The following ZC3H12B variants were observed in gnomAD, a reference collection of about 807,000 sequenced individuals.
The protein encoded by ZC3H12B is zinc finger CCCH-type containing 12B.
ZC3H12B carries 7 observed loss-of-function variants against 43.9 expected under a neutral mutation model. The observed-to-expected ratio is 0.16, with a 90% CI of 0.09 to 0.30. The LOEUF (loss-of-function observed/expected upper bound fraction) is 0.30, where lower values mean the gene tolerates loss of function less well. Among genes scored for constraint, ZC3H12B ranks in the 10% least tolerant of loss-of-function variants. The pLI, the probability that ZC3H12B is intolerant of heterozygous loss-of-function variation, is 1.00. For synonymous variants in ZC3H12B, 222 were observed against 241.7 expected, an observed-to-expected ratio of 0.92 and a Z score of 0.76; for missense variants, 475 against 670.2, an observed-to-expected ratio of 0.71 and a Z score of 3.22.
At chrX:65,305,837 C>G in the ZC3H12B span, among the ~76,000 whole-genome samples, 1 of 111,414 alleles carries the variant, frequency 9.0e-6, no homozygotes, top group Non-Finnish European at 1.9e-5. Context: ...AACACTATAA[C>G]TACATGAGTC....
the ZC3H12B span, among the ~76,000 whole-genome samples, chrX:65,228,444 A>C: frequency 9.0e-6 from 1 of 111,325 alleles, no homozygotes; most frequent in Non-Finnish European, 1.9e-5. Context: ...ATGGACAAAA[A>C]CTGGAAGCAT....
chrX:65,214,833 G>T, the ZC3H12B span, among the ~76,000 whole-genome samples: 2 of 111,365 alleles, frequency 1.8e-5, no homozygotes, highest in Non-Finnish European at 3.8e-5. Context: ...AGCTATAGCT[G>T]TGCAAAATAT....
chrX:65,399,097 C>A (rs1232879591), intron 3 of ZC3H12B, among the ~76,000 whole-genome samples: 1 of 112,442 alleles, frequency 8.9e-6, no homozygotes, highest in African/African-American at 3.2e-5. Context: ...TGGAGAAATT[C>A]ATCAGGACAT....
the ZC3H12B span, among the ~76,000 whole-genome samples, chrX:65,081,377 G>A: frequency 9.0e-6 from 1 of 111,070 alleles, no homozygotes. Context: ...TTGATCGGTT[G>A]CTTACATGAA....
chrX:65,472,194 G>A (rs1478873181), intron 3 of ZC3H12B, among the ~76,000 whole-genome samples: 1 of 111,809 alleles, frequency 8.9e-6, no homozygotes, highest in Non-Finnish European at 1.9e-5. Flanking sequence ...ATCTGGAGAA[G>A]TGTCTATTTA....
chrX:65,328,534 A>G, the ZC3H12B span: 2 of 200,544 alleles, frequency 1.0e-5, no homozygotes, highest in Non-Finnish European at 1.9e-5. Context: ...TTTTTTTTAT[A>G]TGTATCACAT....
chrX:65,433,130 C>T (rs1323018068), intron 3 of ZC3H12B, among the ~76,000 whole-genome samples: 12 of 112,727 alleles, frequency 1.1e-4, no homozygotes, highest in African/African-American at 3.9e-4. Context: ...TGTTCATTTG[C>T]TGTAGCAATA....
chrX:65,225,955 G>C, the ZC3H12B span, among the ~76,000 whole-genome samples: 2 of 111,937 alleles, frequency 1.8e-5, no homozygotes, highest in Admixed American at 9.5e-5. Flanking sequence ...CACTCTGCAG[G>C]ATATTATCCA....
chrX:65,215,878 A>G, the ZC3H12B span, among the ~76,000 whole-genome samples: 7 of 111,532 alleles, frequency 6.3e-5, no homozygotes, highest in Admixed American at 6.7e-4. Flanking sequence ...AGGGTTATCA[A>G]TTATGTTAAT....
chrX:65,252,907 G>C, the ZC3H12B span, among the ~76,000 whole-genome samples: 32 of 111,904 alleles, frequency 2.9e-4, no homozygotes, highest in East Asian at 8.1e-3. Context: ...TCTTCCATTA[G>C]ACCTTATTTG....
At chrX:65,174,180 C>T in the ZC3H12B span, among the ~76,000 whole-genome samples, 1 of 111,420 alleles carries the variant, frequency 9.0e-6, no homozygotes, top group Non-Finnish European at 1.9e-5. Flanking sequence ...GTCTGTTGAC[C>T]CCTGCTGGGA....
At chrX:65,426,555 G>T in intron 3 of ZC3H12B, among the ~76,000 whole-genome samples, 1 of 110,377 alleles carries the variant, frequency 9.1e-6, no homozygotes, top group Non-Finnish European at 1.9e-5. Context: ...TCTTTTAATT[G>T]AGATGTTAGG....
the ZC3H12B span, among the ~76,000 whole-genome samples, chrX:65,204,526 T>A: frequency 8.9e-6 from 1 of 112,198 alleles, no homozygotes. Flanking sequence ...TCATTCTTCC[T>A]AGACTTTAGC....
At chrX:65,253,672 C>T in the ZC3H12B span, among the ~76,000 whole-genome samples, 4 of 111,971 alleles carry the variant, frequency 3.6e-5, no homozygotes, top group East Asian at 2.8e-4. Context: ...AGCTTGGCCA[C>T]GCCTGCTTGC....
chrX:65,284,251 CAA>C, the ZC3H12B span, among the ~76,000 whole-genome samples: 19 of 67,917 alleles, frequency 2.8e-4, no homozygotes, highest in South Asian at 1.5e-3. Context: ...CACACACACA[CAA>C]AAAAAAAAAA....
the ZC3H12B span, among the ~76,000 whole-genome samples, chrX:65,156,194 T>C: frequency 9.0e-6 from 1 of 110,890 alleles, no homozygotes; most frequent in Non-Finnish European, 1.9e-5. Flanking sequence ...CTCCTGCTCT[T>C]TTTATTTTTT....
chrX:65,153,218 C>G, the ZC3H12B span, among the ~76,000 whole-genome samples: 1 of 111,689 alleles, frequency 9.0e-6, no homozygotes, highest in Admixed American at 9.5e-5. Flanking sequence ...GCAACAAAAG[C>G]CAAAATTGAC....
chrX:65,201,725 A>G, the ZC3H12B span, among the ~76,000 whole-genome samples: 1 of 102,640 alleles, frequency 9.7e-6, no homozygotes, highest in Non-Finnish European at 2.0e-5. Flanking sequence ...AAGGTCCTTG[A>G]TATGGTTTAG....
the ZC3H12B span, among the ~76,000 whole-genome samples, chrX:65,160,365 A>T: frequency 9.0e-6 from 1 of 111,664 alleles, no homozygotes; most frequent in African/African-American, 3.3e-5. Flanking sequence ...CCTCTGGTAG[A>T]ATTCGGCTGT....
Sources: allele counts gnomAD v4.1 joint callset (sites outside exome capture counted in the v4.1 genomes callset), GRCh38; gene constraint gnomAD v4.1.1; transcripts MANE v1.5; gene names NCBI Gene and HGNC (gene_info 2026-07-23, HGNC 2026-07-21).